The following ENDOV variants were observed in gnomAD, a reference collection of about 807,000 sequenced individuals.
ENDOV encodes hEndoV.
Under a neutral mutation model 39.4 loss-of-function variants are expected in ENDOV, and 37 were observed. The ratio of observed to expected loss-of-function variants is 0.94; its 90% CI spans 0.72 to 1.23. ENDOV has a LOEUF of 1.23. ENDOV is among the 50% of genes most tolerant of loss of function. The pLI is 0.00. For synonymous variants in ENDOV, 186 were observed against 163.4 expected, an observed-to-expected ratio of 1.14 and a Z score of -1.05; for missense variants, 441 against 375.7, an observed-to-expected ratio of 1.17 and a Z score of -1.44.
intron 4 of ENDOV, 133 bp downstream of exon 4, chr17:80,422,378 C>CGGCG: frequency 9.2e-7 from 1 of 1,082,578 alleles, no homozygotes; most frequent in Non-Finnish European, 1.4e-6. Flanking sequence ...GCTTCTTTCT[C>CGGCG]GGCGCAACGG....
chr17:80,435,125 G>T (rs2083525612), intron 9 of ENDOV, among the ~76,000 whole-genome samples: 1 of 147,540 alleles, frequency 6.8e-6, no homozygotes, highest in Non-Finnish European at 1.5e-5. Flanking sequence ...TTCTTTATAT[G>T]TTCTGAATCC....
chr17:80,436,006 C>A, intron 9 of ENDOV, 127 bp from the exon 10 acceptor site: 2 of 1,026,026 alleles, frequency 1.9e-6, no homozygotes, highest in Non-Finnish European at 2.9e-6. Context: ...CCTCCCACCT[C>A]GGCCTCCCCA....
intron 9 of ENDOV, chr17:80,430,101 C>T (rs867316509): frequency 1.6e-5 from 24 of 1,534,644 alleles, no homozygotes; most frequent in Middle Eastern, 1.7e-4. Context: ...CGCCGCAGCA[C>T]AGCCCAGCAC....
chr17:80,428,638 CT>C lies in ENDOV; in HGVS notation c.758del (p.Leu253ProfsTer49), dbSNP rs776948166. 1 of 1,583,906 alleles carries C rather than the reference CT, an allele frequency of 6.3e-7. No homozygotes were observed. Among genetic ancestry groups the C allele is most frequent in the Admixed American group, 1.8e-5 (1 of 56,176 alleles). ...AGAGCACATCCGCAAGTCGCTGGGA[CT>C]CCCCGGGCCACCCACACCGAGGTGA... ...SREHIRKSLG[L>X]PGPPTPRSPK... is the part of the protein sequence containing the mutation. On this transcript the variant is annotated frameshift_variant, in exon 8 of 10. Transcript: ENST00000518137. LOFTEE classifies it high-confidence loss of function.
intron 1 of ENDOV, 152 bp from the exon 2 acceptor site, chr17:80,415,498 C>T (rs2080984012): frequency 6.1e-6 from 7 of 1,146,504 alleles, no homozygotes; most frequent in South Asian, 1.6e-5. Context: ...GCCTGGGCTC[C>T]TAGGGACTGT....
intron 9 of ENDOV, chr17:80,430,527 CT>C: frequency 4.2e-6 from 2 of 472,398 alleles, no homozygotes; most frequent in Non-Finnish European, 7.1e-6. Flanking sequence ...GGTAGCTGGG[CT>C]TTAGCACCTG....
intron 8 of ENDOV, among the ~76,000 whole-genome samples, chr17:80,428,970 C>T (rs1375386935): frequency 6.6e-6 from 1 of 152,244 alleles, no homozygotes; most frequent in Non-Finnish European, 1.5e-5. Context: ...GTCCACTTAG[C>T]CTGTGAGGTA....
At chr17:80,428,395 G>A in intron 7 of ENDOV, 1 of 591,082 alleles carries the variant, frequency 1.7e-6, no homozygotes. Context: ...TGCCATTGCG[G>A]GGCTTTGACC....
chr17:80,416,435 C>T (rs571762109), intron 2 of ENDOV, among the ~76,000 whole-genome samples: 2 of 152,152 alleles, frequency 1.3e-5, no homozygotes, highest in East Asian at 1.9e-4. Context: ...TCCTCCTGGG[C>T]CCCTCCGTTC....
At chr17:80,424,941 C>T (rs572152207) in intron 5 of ENDOV, 91 bp from the exon 6 acceptor site, 59 of 1,109,006 alleles carry the variant, frequency 5.3e-5, no homozygotes, top group South Asian at 1.1e-4. Context: ...GGCAACAGTG[C>T]GACACTCCGT....
intron 4 of ENDOV, among the ~76,000 whole-genome samples, chr17:80,422,780 A>T (rs1599371249): frequency 6.6e-6 from 1 of 151,352 alleles, no homozygotes; most frequent in Non-Finnish European, 1.5e-5. Context: ...GCTCACTGCA[A>T]CCTCCGCCTC....
At chr17:80,427,681 T>TGAGAC (rs1026886786) in intron 7 of ENDOV, 1 of 1,273,566 alleles carries the variant, frequency 7.9e-7, no homozygotes, top group African/African-American at 1.5e-5. Context: ...CACCTCCTGC[T>TGAGAC]CTGTTCCAGA....
Position 80,436,313 on chromosome 17 carries a change from C to T in ENDOV, c.*170C>T, listed in dbSNP as rs1423150047. 12 of 1,550,976 alleles carry T rather than the reference C, an allele frequency of 7.7e-6. No homozygotes were observed. Among genetic ancestry groups the T allele is most frequent in the Admixed American group, 3.5e-5 (2 of 57,272 alleles). ...CACACGTCCTCGTCTCGTTCCTGAT[C>T]GAACGTGGTGGTGAGAGCACACGTC... On this transcript the variant is annotated 3_prime_UTR_variant, in exon 10 of 10. Transcript: ENST00000518137.
intron 3 of ENDOV, 84 bp downstream of exon 3, chr17:80,422,046 A>T: frequency 6.4e-7 from 1 of 1,565,822 alleles, no homozygotes. Context: ...CCACCACCAC[A>T]GTGGCAGGGA....
intron 4 of ENDOV, among the ~76,000 whole-genome samples, chr17:80,422,739 G>A (rs1483161106): frequency 2.6e-5 from 4 of 151,886 alleles, no homozygotes; most frequent in Non-Finnish European, 5.9e-5. Context: ...TCGCTCTGTC[G>A]CCCAGGCTGG....
intron 2 of ENDOV, 144 bp from the exon 3 acceptor site, chr17:80,421,684 A>G: frequency 8.9e-7 from 1 of 1,118,680 alleles, no homozygotes; most frequent in Non-Finnish European, 1.3e-6. Flanking sequence ...CAAACCCATC[A>G]TCTCATAGGT....
intron 9 of ENDOV, among the ~76,000 whole-genome samples, chr17:80,431,467 C>T (rs557343160): frequency 9.9e-5 from 15 of 152,262 alleles, no homozygotes; most frequent in Non-Finnish European, 2.1e-4. Flanking sequence ...GAGCGGATGC[C>T]GAGGGGCTCT....
intron 9 of ENDOV, among the ~76,000 whole-genome samples, chr17:80,432,462 C>T (rs913683480): frequency 6.6e-6 from 1 of 152,108 alleles, no homozygotes; most frequent in Non-Finnish European, 1.5e-5. Context: ...CTCTGAATGT[C>T]ACCAGCACAA....
At chr17:80,424,447 G>C (rs995377892) in intron 5 of ENDOV, 1 of 396,156 alleles carries the variant, frequency 2.5e-6, no homozygotes, top group East Asian at 3.6e-5. Flanking sequence ...TGCCAGCCTG[G>C]CACAGCGGCC....
Sources: gnomAD v4.1 joint callset for allele counts (sites outside exome capture counted in the v4.1 genomes callset) on GRCh38, gnomAD v4.1.1 for gene constraint, MANE v1.5 for transcripts, NCBI Gene and HGNC (gene_info 2026-07-23, HGNC 2026-07-21) for gene names.